Variants in KIFC3 observed in about 807,000 individuals in gnomAD.
KIFC3 encodes the protein kinesin-like protein KIFC3.
Under a neutral mutation model 101.8 loss-of-function variants are expected in KIFC3, and 60 were observed. That is an observed-to-expected ratio of 0.59 (90% CI 0.48 to 0.73). The LOEUF (loss-of-function observed/expected upper bound fraction) is 0.73. Ranked by LOEUF, KIFC3 falls within the 30% of genes least tolerant of loss-of-function variation. KIFC3 has a pLI of 0.00. For missense variants in KIFC3, 966 were observed against 1,137.1 expected, an observed-to-expected ratio of 0.85 and a Z score of 2.16; for synonymous variants, 476 against 482.7, an observed-to-expected ratio of 0.99 and a Z score of 0.18.
intron 1 of KIFC3, among the ~76,000 whole-genome samples, chr16:57,799,446 T>C (rs534023837): frequency 6.6e-6 from 1 of 152,212 alleles, no homozygotes; most frequent in East Asian, 1.9e-4. Flanking sequence ...GAAGTGAAGA[T>C]AGCTATTTGA....
At chr16:57,771,484 T>C (rs972934844) in intron 5 of KIFC3, 47 bp from the exon 6 acceptor site, 30 of 1,610,466 alleles carry the variant, frequency 1.9e-5, no homozygotes, top group Non-Finnish European at 2.3e-5. Flanking sequence ...ACAGGCTCAC[T>C]GTGAGGAGCT....
intron 1 of KIFC3, among the ~76,000 whole-genome samples, chr16:57,813,296 C>G (rs997834475): frequency 1.3e-5 from 2 of 151,742 alleles, no homozygotes; most frequent in Non-Finnish European, 2.9e-5. Context: ...CCACTGCACT[C>G]CAGCCTGGGC....
intron 1 of KIFC3, chr16:57,816,791 G>A (rs782299614): frequency 1.8e-5 from 8 of 456,346 alleles, no homozygotes; most frequent in African/African-American, 4.0e-5. Flanking sequence ...AGGAGCTCAT[G>A]GGAAACCAAG....
At chr16:57,850,135 C>T (rs1352605877) in intron 1 of KIFC3, among the ~76,000 whole-genome samples, 3 of 151,996 alleles carry the variant, frequency 2.0e-5, no homozygotes, top group African/African-American at 7.3e-5. Context: ...TGTGGTGGCT[C>T]ATGCCTATAA....
intron 1 of KIFC3, among the ~76,000 whole-genome samples, chr16:57,830,205 C>T (rs1201343093): frequency 6.6e-6 from 1 of 151,362 alleles, no homozygotes; most frequent in Non-Finnish European, 1.5e-5. Context: ...GTGACCTTAC[C>T]TCTCTGACTG....
chr16:57,857,791 T>C (rs1182371454), intron 1 of KIFC3, among the ~76,000 whole-genome samples: 2 of 134,792 alleles, frequency 1.5e-5, no homozygotes, highest in African/African-American at 5.5e-5. Flanking sequence ...TTTTCTTTTT[T>C]TTTTTATTTC....
chr16:57,808,224 G>C (rs551207000), upstream of KIFC3, among the ~76,000 whole-genome samples: 21 of 152,162 alleles, frequency 1.4e-4, no homozygotes, highest in African/African-American at 5.1e-4. Flanking sequence ...AAAATGAGAG[G>C]AATGCAAACA....
At chr16:57,765,335 C>T (rs2050363891) in intron 11 of KIFC3, 124 bp downstream of exon 11, 1 of 967,852 alleles carries the variant, frequency 1.0e-6, no homozygotes, top group African/African-American at 1.7e-5. Flanking sequence ...GACCCTGGCT[C>T]CCCACTTCTG....
intron 3 of KIFC3, chr16:57,790,914 C>G (rs1013152595): frequency 1.0e-6 from 1 of 985,132 alleles, no homozygotes; most frequent in Non-Finnish European, 1.2e-6. Context: ...TTGAGAAGGG[C>G]GGGTGGCAGA....
intron 14 of KIFC3, 73 bp from the exon 15 acceptor site, chr16:57,761,244 C>T (rs2049816371): frequency 6.3e-7 from 1 of 1,596,108 alleles, no homozygotes; most frequent in Non-Finnish European, 8.6e-7. Flanking sequence ...CCCCAAGCAC[C>T]CATGAGGAGT....
intron 9 of KIFC3, among the ~76,000 whole-genome samples, chr16:57,767,931 C>T (rs1253313695): frequency 1.3e-5 from 2 of 152,158 alleles, no homozygotes; most frequent in African/African-American, 4.8e-5. Flanking sequence ...CTGCCTCAGC[C>T]TCCCAAAGTG....
At chr16:57,794,242 T>C (rs1555621617) in intron 3 of KIFC3, among the ~76,000 whole-genome samples, 1 of 151,924 alleles carries the variant, frequency 6.6e-6, no homozygotes. Context: ...CTTTTCTTTT[T>C]TTTTTTTTGA....
chr16:57,837,554 G>GAAGAAAGAAAGAAAGA (rs141109331), intron 1 of KIFC3, among the ~76,000 whole-genome samples: 6,535 of 100,000 alleles, frequency 0.065, 320 homozygotes, highest in South Asian at 0.09. Flanking sequence ...AGGAAGGAAG[G>GAAGAAAGAAAGAAAGA]AAGAAAGAAA....
chr16:57,771,051 G>C lies in KIFC3; in HGVS notation c.765+147C>G, dbSNP rs559565787. On this transcript the variant is annotated intron_variant, in intron 6 of 19. Coordinates refer to ENST00000445690, the MANE Select transcript of KIFC3 (RefSeq NM_001130100.2). ...CTGGCCCTGGATACAGGAAGGGGAAGGGGCAGGACCAAGCACAGAACTGGA... is the reference window on the plus strand; with the variant it reads ...CTGGCCCTGGATACAGGAAGGGGAACGGGCAGGACCAAGCACAGAACTGGA... 16 of 1,043,896 alleles carry C rather than the reference G, an allele frequency of 1.5e-5. No individual in the cohort carries two copies. In the Admixed American group the frequency reaches 3.5e-4, roughly 23 times the overall value. 64.7% of individuals were successfully genotyped at this position (1,043,896 alleles called of 1,614,324 possible). A position where few individuals can be genotyped will look rare whatever the true frequency, so the allele number is the denominator to read the frequency against.
At chr16:57,789,548 G>A (rs1355482533) in intron 3 of KIFC3, among the ~76,000 whole-genome samples, 1 of 152,210 alleles carries the variant, frequency 6.6e-6, no homozygotes, top group Non-Finnish European at 1.5e-5. Flanking sequence ...GATTCGGGGG[G>A]GATGGTGTAG....
At chr16:57,847,090 C>T (rs1467840357) in intron 1 of KIFC3, among the ~76,000 whole-genome samples, 1 of 151,648 alleles carries the variant, frequency 6.6e-6, no homozygotes, top group Admixed American at 6.6e-5. Context: ...GGGGCTGAGG[C>T]ATGAGAATCT....
intron 1 of KIFC3, among the ~76,000 whole-genome samples, chr16:57,832,512 A>C (rs1796726121): frequency 6.6e-6 from 1 of 151,598 alleles, no homozygotes; most frequent in Admixed American, 6.6e-5. Flanking sequence ...ACAAGGTTTC[A>C]CCATGTTGGC....
In KIFC3 at chr16:57,816,643, G is replaced by C. The variant is rs1032492414; in HGVS notation, c.109-18361C>G. 3 of 456,722 alleles carry C rather than the reference G, an allele frequency of 6.6e-6. No individual in the cohort carries two copies. The East Asian group carries it at 2.1e-4, about 32-fold the overall frequency. 28.3% of individuals were successfully genotyped at this position (456,722 alleles called of 1,614,324 possible). On this transcript the variant is annotated intron_variant, in intron 1 of 2. Transcript: ENST00000563028. ...GTGCTCCAGAAACCAGCCCTGGGCAGCTGCCACACCAGGCAGCCTCCACCC... is the reference window on the plus strand; with the variant it reads ...GTGCTCCAGAAACCAGCCCTGGGCACCTGCCACACCAGGCAGCCTCCACCC...
chr16:57,789,196 C>T (rs1226905788), intron 3 of KIFC3, among the ~76,000 whole-genome samples: 2 of 152,236 alleles, frequency 1.3e-5, no homozygotes, highest in South Asian at 2.1e-4. Flanking sequence ...AAGGAGGCTG[C>T]GCAGGAGTCC....
Sources: gnomAD v4.1 joint callset for allele counts (sites outside exome capture counted in the v4.1 genomes callset) on GRCh38, gnomAD v4.1.1 for gene constraint, MANE v1.5 for transcripts, NCBI Gene and HGNC (gene_info 2026-07-23, HGNC 2026-07-21) for gene names.